TBCE: variants seen among roughly 807,000 people sequenced by gnomAD.
TBCE encodes the protein tubulin folding cofactor E.
In TBCE, 53 loss-of-function variants were observed where a neutral mutation model predicts 77.0. That is an observed-to-expected ratio of 0.69 (90% confidence interval 0.55 to 0.87). The LOEUF is 0.87. Ranked by LOEUF, TBCE falls within the 40% of genes least tolerant of loss-of-function variation. The pLI is 0.00. For missense variants in TBCE, 624 were observed against 622.4 expected (o/e 1.00, Z -0.03); for synonymous variants, 235 against 241.3 (o/e 0.97, Z 0.24).
chr1:235,436,459 G>C lies in TBCE; in HGVS notation c.898+9G>C. ...TCCGGATGCTGGAATTGGTATATAA[G>C]ATTAGTAAAGTTCCCCACTGCCCCC... On this transcript the variant is annotated intron_variant, in intron 10 of 16. Coordinates refer to ENST00000642610, the MANE Select transcript of TBCE (RefSeq NM_003193.5). 6.2e-7 allele frequency: 1 copy of C among 1,613,568 alleles called. No individual in the cohort carries two copies. The highest frequency in any genetic ancestry group is 8.5e-7 in the Non-Finnish European group (1 of 1,179,516).
intron 4 of TBCE, among the ~76,000 whole-genome samples, chr1:235,418,077 C>T (rs1373880079): frequency 1.3e-5 from 2 of 152,170 alleles, no homozygotes; most frequent in Non-Finnish European, 2.9e-5. Context: ...CCACTGCCCC[C>T]GGCCATGTAT....
intron 2 of TBCE, among the ~76,000 whole-genome samples, chr1:235,398,109 G>T (rs915054135): frequency 2.7e-5 from 4 of 150,506 alleles, no homozygotes; most frequent in African/African-American, 9.8e-5. Context: ...AACCCATTCT[G>T]ATAGTTTCTA....
intron 5 of TBCE, among the ~76,000 whole-genome samples, chr1:235,424,840 C>A (rs191406788): frequency 6.6e-6 from 1 of 152,096 alleles, no homozygotes; most frequent in Non-Finnish European, 1.5e-5. Context: ...AGGGTTTCAC[C>A]GTGTTGGCCA....
intron 15 of TBCE, among the ~76,000 whole-genome samples, chr1:235,443,183 C>CATATATAT (rs202164530): frequency 2.1e-5 from 3 of 145,156 alleles, no homozygotes; most frequent in African/African-American, 5.3e-5. Flanking sequence ...CACACACACA[C>CATATATAT]ACATATATAT....
At chr1:235,404,461 C>T (rs375558557) in intron 3 of TBCE, among the ~76,000 whole-genome samples, 30 of 151,646 alleles carry the variant, frequency 2.0e-4, no homozygotes, top group African/African-American at 7.0e-4. Flanking sequence ...CTGCATAGGG[C>T]ACTTAGCGTG....
At chr1:235,376,457 A>AT (rs1677303829) in intron 1 of TBCE, among the ~76,000 whole-genome samples, 2 of 152,108 alleles carry the variant, frequency 1.3e-5, no homozygotes, top group African/African-American at 4.8e-5. Flanking sequence ...GATTTAGATA[A>AT]TCCCTATACA....
In TBCE at chr1:235,449,160, G is replaced by T; in HGVS notation, c.*398G>T. The stretch of plus-strand genomic sequence containing the variant: ...TTTAAAGGGTTACTAGAAATGATTT[G>T]GTTGGTCATTTTGGGAAATGTCCCT... On this transcript the variant is annotated 3_prime_UTR_variant, in exon 17 of 17. Transcript: ENST00000642610. The T allele has an allele frequency of 4.1e-6, 1 of 244,458 alleles. No individual in the cohort carries two copies. Among genetic ancestry groups the T allele is most frequent in the Non-Finnish European group, 8.1e-6 (1 of 123,944 alleles). 15.1% of individuals were successfully genotyped at this position (244,458 alleles called of 1,614,324 possible).
chr1:235,385,626 A>C (rs1388724257), intron 2 of TBCE, among the ~76,000 whole-genome samples: 1 of 152,030 alleles, frequency 6.6e-6, no homozygotes, highest in Non-Finnish European at 1.5e-5. Flanking sequence ...TTTATCAGAG[A>C]CTAGGATTGC....
chr1:235,427,116 C>T (rs772423550), intron 5 of TBCE, 24 bp from the exon 6 acceptor site: 19 of 1,489,204 alleles, frequency 1.3e-5, no homozygotes, highest in Non-Finnish European at 1.7e-5. Flanking sequence ...TTTGAAATTA[C>T]TGTTTCTTAA....
chr1:235,447,638 G>A (rs769131445), intron 15 of TBCE, among the ~76,000 whole-genome samples: 1 of 152,206 alleles, frequency 6.6e-6, no homozygotes, highest in Non-Finnish European at 1.5e-5. Context: ...CAGGATACCT[G>A]AGTCCCATTC....
intron 3 of TBCE, among the ~76,000 whole-genome samples, chr1:235,410,934 A>G (rs1289653260): frequency 6.6e-6 from 1 of 152,250 alleles, no homozygotes; most frequent in African/African-American, 2.4e-5. Flanking sequence ...ATAAGTGTTC[A>G]GTTTAAGAAA....
intron 15 of TBCE, among the ~76,000 whole-genome samples, chr1:235,444,038 A>G (rs927104404): frequency 1.3e-5 from 2 of 152,242 alleles, no homozygotes; most frequent in Non-Finnish European, 2.9e-5. Flanking sequence ...TGAAATACAC[A>G]TCAGCTTAAT....
chr1:235,370,322 C>T (rs556757071), intron 1 of TBCE, among the ~76,000 whole-genome samples: 4 of 148,906 alleles, frequency 2.7e-5, no homozygotes, highest in South Asian at 2.1e-4. Context: ...GGTACGTTCT[C>T]GGCTCACTGC....
chr1:235,382,276 C>T (rs1418322605), intron 2 of TBCE, among the ~76,000 whole-genome samples: 4 of 151,872 alleles, frequency 2.6e-5, no homozygotes, highest in African/African-American at 4.8e-5. Context: ...AATAAACATA[C>T]GTGTGCATGT....
At chr1:235,407,006 G>A (rs1679475306) in intron 3 of TBCE, among the ~76,000 whole-genome samples, 1 of 150,404 alleles carries the variant, frequency 6.6e-6, no homozygotes, top group Admixed American at 6.6e-5. Context: ...GGCTAATTTT[G>A]TATTTTTAGA....
At chr1:235,387,259 C>T (rs1467009520) in intron 2 of TBCE, among the ~76,000 whole-genome samples, 3 of 152,002 alleles carry the variant, frequency 2.0e-5, no homozygotes, top group Non-Finnish European at 2.9e-5. Context: ...CAGGGACCCA[C>T]TTGAGGAGGC....
intron 5 of TBCE, among the ~76,000 whole-genome samples, chr1:235,422,424 G>T (rs1238842987): frequency 6.6e-6 from 1 of 151,912 alleles, no homozygotes; most frequent in Non-Finnish European, 1.5e-5. Flanking sequence ...GCTGAGGCAG[G>T]ATAATCACTT....
chr1:235,390,384 A>T (rs1678304553), intron 2 of TBCE, among the ~76,000 whole-genome samples: 1 of 152,140 alleles, frequency 6.6e-6, no homozygotes, highest in South Asian at 2.1e-4. Context: ...TAAGGTTGCT[A>T]ATCAGCTGAT....
chr1:235,427,055 C>T (rs911064162), intron 5 of TBCE, 85 bp from the exon 6 acceptor site: 20 of 941,918 alleles, frequency 2.1e-5, no homozygotes, highest in Admixed American at 5.7e-5. Flanking sequence ...AAAGTTAAAA[C>T]GCTCATGCTC....
Sources: allele counts gnomAD v4.1 joint callset (sites outside exome capture counted in the v4.1 genomes callset), GRCh38; gene constraint gnomAD v4.1.1; transcripts MANE v1.5; gene names NCBI Gene and HGNC (gene_info 2026-07-23, HGNC 2026-07-21).